ARHGAP26: variants seen among roughly 807,000 people sequenced by gnomAD.
ARHGAP26 encodes Rho GTPase activating protein 26.
A neutral mutation model predicts 104.8 loss-of-function variants in ARHGAP26; 38 were observed. The ratio of observed to expected loss-of-function variants is 0.36; its 90% confidence interval spans 0.28 to 0.48. ARHGAP26 has a LOEUF of 0.48. Ranked by LOEUF, ARHGAP26 falls within the 20% of genes least tolerant of loss-of-function variation. ARHGAP26 has a pLI of 0.99. For synonymous variants in ARHGAP26, 341 were observed against 340.0 expected (o/e 1.00, Z -0.03); for missense variants, 704 against 947.9 (o/e 0.74, Z 3.38).
chr5:142,824,524 C>G lies in ARHGAP26; in HGVS notation c.155-48876C>G, dbSNP rs1766838449. Among the ~76,000 whole-genome samples, 3 of 152,316 alleles carry G rather than the reference C, an allele frequency of 2.0e-5. No individual in the cohort carries two copies. In the South Asian group the frequency reaches 6.2e-4, roughly 32 times the overall value. On this transcript the variant is annotated intron_variant, in intron 1 of 22. Coordinates refer to ENST00000645722, the MANE Select transcript of ARHGAP26 (RefSeq NM_001135608.3). ...TGGGTGTCCCGGCAAGAGAGCCAGA[C>G]AGGTGATTTGTTAAATTATTACCTG...
chr5:143,187,844 A>C (rs1805365732), intron 20 of ARHGAP26, among the ~76,000 whole-genome samples: 1 of 152,226 alleles, frequency 6.6e-6, no homozygotes, highest in South Asian at 2.1e-4. Flanking sequence ...TTTTAGAAGC[A>C]GGACTTCGTG....
At position 142,770,682 on chromosome 5, in the gene ARHGAP26, C is replaced by A. The variant is rs1262036200; in HGVS notation, c.-80C>A. On this transcript the variant is annotated 5_prime_UTR_variant, in exon 1 of 23. Coordinates refer to ENST00000645722, the MANE Select transcript of ARHGAP26 (RefSeq NM_001135608.3). ...GGCCGTCGGGGGAGCCGGCCGGGGT[C>A]CCGCCGCGTGAGTGCTCTGGGCGGC... 9.9e-7 allele frequency: 1 copy of A among 1,015,068 alleles called. No individual in the cohort carries two copies. The highest frequency in any genetic ancestry group is 4.6e-5 in the South Asian group (1 of 21,806). The allele number at this position is 1,015,068 out of a possible 1,614,324, so 62.9% of individuals were successfully genotyped here. A position where few individuals can be genotyped will look rare whatever the true frequency, so the allele number is the denominator to read the frequency against.
At chr5:143,220,112 G>A (rs1041844952) in intron 22 of ARHGAP26, among the ~76,000 whole-genome samples, 1 of 152,252 alleles carries the variant, frequency 6.6e-6, no homozygotes, top group Non-Finnish European at 1.5e-5. Context: ...GATGGACTCA[G>A]TGCATCCAGT....
At chr5:142,973,137 G>A (rs942446745) in intron 11 of ARHGAP26, among the ~76,000 whole-genome samples, 1 of 152,154 alleles carries the variant, frequency 6.6e-6, no homozygotes, top group Non-Finnish European at 1.5e-5. Context: ...AGCTCAGAGT[G>A]GGCTAGAACA....
intron 1 of ARHGAP26, among the ~76,000 whole-genome samples, chr5:142,819,623 A>G (rs75742510): frequency 0.015 from 2,320 of 152,332 alleles, 61 homozygotes; most frequent in African/African-American, 0.053. Flanking sequence ...GAACAGGAAG[A>G]GTAGTCATAT....
chr5:143,135,022 T>A (rs1474797948), intron 19 of ARHGAP26, among the ~76,000 whole-genome samples: 1 of 152,238 alleles, frequency 6.6e-6, no homozygotes, highest in Non-Finnish European at 1.5e-5. Context: ...AATATAAGCA[T>A]GGGACCTTGG....
chr5:142,791,888 C>T (rs956977316), intron 1 of ARHGAP26, among the ~76,000 whole-genome samples: 14 of 136,056 alleles, frequency 1.0e-4, no homozygotes, highest in African/African-American at 3.8e-4. Flanking sequence ...CGCTTGAACC[C>T]GGGAGGCGGA....
intron 17 of ARHGAP26, among the ~76,000 whole-genome samples, chr5:143,102,123 T>C (rs958836041): frequency 2.6e-5 from 4 of 152,126 alleles, no homozygotes; most frequent in African/African-American, 9.7e-5. Context: ...CTGAGTGATA[T>C]AGACAGCAGG....
At chr5:143,049,043 A>G (rs1027075221) in intron 14 of ARHGAP26, among the ~76,000 whole-genome samples, 2 of 152,100 alleles carry the variant, frequency 1.3e-5, no homozygotes, top group Admixed American at 6.5e-5. Flanking sequence ...ACCAGTATCC[A>G]TATAATGAGT....
At chr5:142,935,051 G>A (rs1443488561) in intron 11 of ARHGAP26, among the ~76,000 whole-genome samples, 1 of 152,104 alleles carries the variant, frequency 6.6e-6, no homozygotes, top group East Asian at 1.9e-4. Flanking sequence ...CCTACAATAA[G>A]CATTATGGAT....
chr5:142,875,963 G>A (rs1756024303), intron 3 of ARHGAP26, among the ~76,000 whole-genome samples: 2 of 152,102 alleles, frequency 1.3e-5, no homozygotes, highest in African/African-American at 4.8e-5. Context: ...GGCTGATCTC[G>A]AACTCCAAAC....
rs527754240 is a variant in ARHGAP26 at position 142,961,319 on chromosome 5, C to T, written c.1107+29194C>T. ...TAGCCTGGGCAACGTGGTGAAACCC[C>T]ATCTCTACAAAAAATACAAAAAACT... On this transcript the variant is annotated intron_variant, in intron 11 of 22. Transcript: ENST00000645722. Among the ~76,000 whole-genome samples the T allele has an allele frequency of 2.0e-5, 3 of 151,962 alleles. No homozygotes were observed. The South Asian group carries it at 6.2e-4, about 32-fold the overall frequency.
chr5:143,102,134 AC>A (rs1248041568), intron 17 of ARHGAP26, among the ~76,000 whole-genome samples: 5 of 152,144 alleles, frequency 3.3e-5, no homozygotes, highest in Non-Finnish European at 7.4e-5. Flanking sequence ...AGACAGCAGG[AC>A]CGTGAGTAAG....
chr5:143,063,660 C>T (rs1445306780), intron 17 of ARHGAP26, among the ~76,000 whole-genome samples: 1 of 152,208 alleles, frequency 6.6e-6, no homozygotes, highest in African/African-American at 2.4e-5. Flanking sequence ...CAAATACCCA[C>T]CTCCCTGCTC....
chr5:143,113,204 A>G (rs369361475), intron 17 of ARHGAP26, among the ~76,000 whole-genome samples: 4 of 152,358 alleles, frequency 2.6e-5, no homozygotes, highest in Non-Finnish European at 4.4e-5. Flanking sequence ...GCAAAGAGGT[A>G]TCTTGTCTTT....
intron 1 of ARHGAP26, among the ~76,000 whole-genome samples, chr5:142,803,743 T>C (rs1419055441): frequency 2.0e-5 from 3 of 152,204 alleles, no homozygotes; most frequent in African/African-American, 7.2e-5. Flanking sequence ...GATGTGTTCT[T>C]GGGCTTTAAT....
chr5:143,070,477 C>T (rs1305087733), intron 17 of ARHGAP26, among the ~76,000 whole-genome samples: 1 of 152,180 alleles, frequency 6.6e-6, no homozygotes, highest in Non-Finnish European at 1.5e-5. Flanking sequence ...AGAGAAACTA[C>T]AAAACACTGA....
At chr5:142,913,364 T>C in intron 10 of ARHGAP26, 71 bp downstream of exon 10, 5 of 1,411,432 alleles carry the variant, frequency 3.5e-6, no homozygotes, top group Non-Finnish European at 5.0e-6. Context: ...TTCTTTCCAG[T>C]CAAACCTTTT....
intron 1 of ARHGAP26, among the ~76,000 whole-genome samples, chr5:142,856,159 C>T (rs1314177627): frequency 6.6e-6 from 1 of 152,224 alleles, no homozygotes; most frequent in Non-Finnish European, 1.5e-5. Flanking sequence ...CTTCTTGGAG[C>T]TGCCCATACT....
Sources: allele counts gnomAD v4.1 joint callset (sites outside exome capture counted in the v4.1 genomes callset), GRCh38; gene constraint gnomAD v4.1.1; transcripts MANE v1.5; gene names NCBI Gene and HGNC (gene_info 2026-07-23, HGNC 2026-07-21).